The following NEK7 variants were observed in gnomAD, a reference collection of about 807,000 sequenced individuals.
NEK7 encodes serine/threonine-protein kinase Nek7.
A neutral mutation model predicts 44.6 loss-of-function variants in NEK7; 18 were observed. The observed-to-expected ratio is 0.40, with a 90% CI of 0.28 to 0.60. The LOEUF is 0.60. NEK7 is among the 20% of genes least tolerant of loss of function. The probability of loss-of-function intolerance (pLI) is 0.38; values close to 1 mark genes in which losing one functional copy is unlikely to be tolerated. For synonymous variants in NEK7, 130 were observed against 121.1 expected, an observed-to-expected ratio of 1.07 and a Z score of -0.48; for missense variants, 256 against 366.5, an observed-to-expected ratio of 0.70 and a Z score of 2.46.
At chr1:198,208,076 C>A (rs1215388306) in intron 1 of NEK7, among the ~76,000 whole-genome samples, 2 of 152,090 alleles carry the variant, frequency 1.3e-5, no homozygotes, top group Non-Finnish European at 2.9e-5. Flanking sequence ...ATTAAATTTG[C>A]CCTGTTGCCA....
intron 1 of NEK7, among the ~76,000 whole-genome samples, chr1:198,189,596 C>T (rs1665017297): frequency 6.6e-6 from 1 of 152,162 alleles, no homozygotes; most frequent in Non-Finnish European, 1.5e-5. Context: ...GACCCACTTA[C>T]AGGCCTCATT....
intron 9 of NEK7, among the ~76,000 whole-genome samples, chr1:198,313,824 G>A (rs1360006812): frequency 6.6e-6 from 1 of 151,664 alleles, no homozygotes; most frequent in African/African-American, 2.4e-5. Context: ...AGTCTGATGG[G>A]CTTCCCTTTG....
chr1:198,256,591 A>AT, intron 3 of NEK7: 2 of 1,312,964 alleles, frequency 1.5e-6, no homozygotes, highest in Non-Finnish European at 2.0e-6. Context: ...CCTGCTGATC[A>AT]TTGAATTCAT....
chr1:198,177,375 G>A (rs1391580536), intron 1 of NEK7, among the ~76,000 whole-genome samples: 1 of 152,102 alleles, frequency 6.6e-6, no homozygotes, highest in Admixed American at 6.6e-5. Flanking sequence ...CAAAATCAAA[G>A]CAGAGGATTG....
At chr1:198,192,635 C>T (rs1180856165) in intron 1 of NEK7, among the ~76,000 whole-genome samples, 3 of 151,988 alleles carry the variant, frequency 2.0e-5, no homozygotes, top group Non-Finnish European at 4.4e-5. Context: ...ACAGTCTAGT[C>T]AAATTAGAAT....
intron 1 of NEK7, among the ~76,000 whole-genome samples, chr1:198,162,434 A>G (rs1664138200): frequency 1.3e-5 from 2 of 152,206 alleles, no homozygotes; most frequent in South Asian, 4.1e-4. Context: ...CAGGGTTGTC[A>G]TTGCCTACTT....
At chr1:198,251,256 T>C (rs1030049765) in intron 2 of NEK7, among the ~76,000 whole-genome samples, 9 of 151,914 alleles carry the variant, frequency 5.9e-5, no homozygotes, top group Non-Finnish European at 1.0e-4. Context: ...AGCTTTTTGA[T>C]GTGCTGCTGG....
chr1:198,263,676 G>A (rs974259331), intron 4 of NEK7, among the ~76,000 whole-genome samples: 1 of 151,884 alleles, frequency 6.6e-6, no homozygotes, highest in Non-Finnish European at 1.5e-5. Context: ...GGTACCAGCT[G>A]TGTTTTGTCT....
chr1:198,285,704 G>GT (rs575226829), intron 7 of NEK7, among the ~76,000 whole-genome samples: 3 of 152,114 alleles, frequency 2.0e-5, no homozygotes, highest in African/African-American at 7.2e-5. Flanking sequence ...ACAGGGAAAT[G>GT]TAATTCTCCT....
At chr1:198,196,151 G>T (rs1490060632) in intron 1 of NEK7, among the ~76,000 whole-genome samples, 1 of 152,114 alleles carries the variant, frequency 6.6e-6, no homozygotes, top group African/African-American at 2.4e-5. Context: ...TAATTCTAAA[G>T]CTAAGCTTAA....
intron 2 of NEK7, among the ~76,000 whole-genome samples, chr1:198,235,804 AT>A (rs1026113054): frequency 7.3e-5 from 11 of 151,394 alleles, no homozygotes; most frequent in African/African-American, 1.9e-4. Flanking sequence ...GGCCTAGGTT[AT>A]TTTTTTTTAA....
intron 9 of NEK7, among the ~76,000 whole-genome samples, chr1:198,308,902 C>T (rs1655091861): frequency 6.6e-6 from 1 of 152,130 alleles, no homozygotes; most frequent in South Asian, 2.1e-4. Context: ...ATGCCACCTC[C>T]ACAAAACCTT....
chr1:198,272,744 C>A (rs1300551380), intron 5 of NEK7, among the ~76,000 whole-genome samples: 1 of 151,218 alleles, frequency 6.6e-6, no homozygotes, highest in Non-Finnish European at 1.5e-5. Context: ...ATTCACATGG[C>A]AGCAATGCAG....
intron 1 of NEK7, among the ~76,000 whole-genome samples, chr1:198,231,478 T>TA (rs1330394163): frequency 6.6e-6 from 1 of 150,920 alleles, no homozygotes; most frequent in Non-Finnish European, 1.5e-5. Context: ...CCTTATATCA[T>TA]AAAAAAACTT....
intron 1 of NEK7, among the ~76,000 whole-genome samples, chr1:198,228,278 G>A (rs533004342): frequency 4.5e-4 from 68 of 152,256 alleles, no homozygotes; most frequent in Non-Finnish European, 1.2e-4. Context: ...TAGCCTTGTA[G>A]TATAGTTTGA....
intron 1 of NEK7, among the ~76,000 whole-genome samples, chr1:198,187,857 A>C (rs538726856): frequency 9.2e-5 from 14 of 152,250 alleles, no homozygotes; most frequent in African/African-American, 3.4e-4. Context: ...GTACAAAGGT[A>C]CAAGGTTATG....
chr1:198,311,857 T>C (rs2103036683), intron 9 of NEK7, among the ~76,000 whole-genome samples: 1 of 152,248 alleles, frequency 6.6e-6, no homozygotes, highest in South Asian at 2.1e-4. Context: ...TTATTGAGGA[T>C]TTTTGCATCA....
intron 1 of NEK7, among the ~76,000 whole-genome samples, chr1:198,175,855 G>A (rs1664589440): frequency 6.6e-6 from 1 of 152,146 alleles, no homozygotes; most frequent in Non-Finnish European, 1.5e-5. Flanking sequence ...TCTTGCATTT[G>A]TGTGCTGCTT....
At chr1:198,160,378 C>A (rs1159013571) in intron 1 of NEK7, among the ~76,000 whole-genome samples, 1 of 150,990 alleles carries the variant, frequency 6.6e-6, no homozygotes, top group African/African-American at 2.4e-5. Context: ...TTAAAAAATA[C>A]ACAGTGTAGC....
Sources: gnomAD v4.1 joint callset for allele counts (sites outside exome capture counted in the v4.1 genomes callset) on GRCh38, gnomAD v4.1.1 for gene constraint, MANE v1.5 for transcripts, NCBI Gene and HGNC (gene_info 2026-07-23, HGNC 2026-07-21) for gene names.